FAM184A: variants seen among roughly 807,000 people sequenced by gnomAD.
The protein encoded by FAM184A is protein FAM184A.
Under a neutral mutation model 143.8 loss-of-function variants are expected in FAM184A, and 99 were observed. That is an observed-to-expected ratio of 0.69 (90% CI 0.58 to 0.81). The LOEUF is 0.81. Among genes scored for constraint, FAM184A ranks in the 40% least tolerant of loss-of-function variants. FAM184A has a pLI of 0.00. For missense variants in FAM184A, 1,217 were observed against 1,310.5 expected (o/e 0.93, Z 1.10); for synonymous variants, 427 against 446.4 (o/e 0.96, Z 0.55).
At chr6:118,979,604 T>G in intron 10 of FAM184A, 86 bp from the exon 11 acceptor site, 1 of 1,017,448 alleles carries the variant, frequency 9.8e-7, no homozygotes, top group Non-Finnish European at 1.4e-6. Context: ...AAAACTCAGT[T>G]ATTATTTAAG....
intron 1 of FAM184A, among the ~76,000 whole-genome samples, chr6:119,063,734 G>A (rs557982707): frequency 6.6e-6 from 1 of 151,948 alleles, no homozygotes; most frequent in African/African-American, 2.4e-5. Flanking sequence ...TTATTAATTA[G>A]ACTCAGTATT....
rs1377501886 is a variant in FAM184A, at chr6:118,975,925, T to C, written c.2575A>G (p.Arg859Gly). Residue 859 changes from arginine to glycine, a missense_variant, in exon 12 of 18, where the codon AGA (arginine) becomes GGA (glycine). Physicochemically the swap from Arg to Gly is moderately radical, Grantham distance 125. Transcript: ENST00000338891. ...MELERSIDISRRQSKEHICRI... is the reference protein window; with the variant it reads ...MELERSIDISGRQSKEHICRI... Reference sequence around the variant, plus strand: ...AGAATACTCTTACTTACCTGTCTTCTGCTGATGTCTATGCTTCTCTCTAAT... The same window carrying C: ...AGAATACTCTTACTTACCTGTCTTCCGCTGATGTCTATGCTTCTCTCTAAT... The C allele has an allele frequency of 1.9e-6, 3 of 1,612,688 alleles. No individual in the cohort carries two copies. In the East Asian group the frequency reaches 6.7e-5, roughly 36 times the overall value.
chr6:119,078,895 C>G (rs1320445), upstream of FAM184A: 4,477 of 153,052 alleles, frequency 0.029, 232 homozygotes, highest in African/African-American at 0.1. This position sits in a 1 kb window ranked among gnomAD's most constrained non-coding sequence, Gnocchi z 5.5. Context: ...AGTGCTTCCC[C>G]CGTGTGGCGG....
In FAM184A at chr6:118,991,120, T is replaced by C. The variant is rs1461310893; in HGVS notation, c.2089-10770A>G. 7.6e-4 allele frequency among the ~76,000 whole-genome samples: 116 copies of C among 151,882 alleles called. 2 individuals carry two copies. Among genetic ancestry groups the C allele is most frequent in the Admixed American group, 7.6e-3 (116 of 15,232 alleles). On this transcript the variant is annotated intron_variant, in intron 9 of 17. Transcript: ENST00000338891. ...TGTGATAGGGAATGACTGGAGGAGA[T>C]ATTGAGTTGATGGTAAGAAAAGATA...
chr6:119,100,882 G>A (rs189327548), intron 1 of FAM184A, among the ~76,000 whole-genome samples: 10 of 151,776 alleles, frequency 6.6e-5, no homozygotes, highest in African/African-American at 1.5e-4. Flanking sequence ...TCGCTTAAAC[G>A]CGGAAGGGGG....
chr6:119,031,596 A>G (rs868285350), intron 1 of FAM184A: 2 of 152,236 alleles, frequency 1.3e-5, no homozygotes, highest in Non-Finnish European at 2.9e-5. Flanking sequence ...TCTTGGCAAT[A>G]TGTAAATACG....
At chr6:119,057,378 C>A (rs1278983204) in intron 1 of FAM184A, among the ~76,000 whole-genome samples, 1 of 152,124 alleles carries the variant, frequency 6.6e-6, no homozygotes, top group Non-Finnish European at 1.5e-5. Flanking sequence ...CTAAGAATTC[C>A]TTTGTTTGAC....
chr6:119,146,189 AAAAT>A (rs1408815966), intron 1 of FAM184A, among the ~76,000 whole-genome samples: 1 of 152,124 alleles, frequency 6.6e-6, no homozygotes, highest in African/African-American at 2.4e-5. Context: ...AATATAATTA[AAAAT>A]AAATAAATAA....
chr6:119,130,711 A>G (rs1015644159), intron 1 of FAM184A, among the ~76,000 whole-genome samples: 2 of 152,208 alleles, frequency 1.3e-5, no homozygotes, highest in Non-Finnish European at 2.9e-5. Flanking sequence ...CAGAAATCAT[A>G]TGATAAGACC....
intron 1 of FAM184A, among the ~76,000 whole-genome samples, chr6:119,065,125 T>C (rs1394158512): frequency 6.6e-6 from 1 of 152,208 alleles, no homozygotes; most frequent in Admixed American, 6.5e-5. Flanking sequence ...TCCTACACTG[T>C]ACCATGGTTG....
intron 1 of FAM184A, among the ~76,000 whole-genome samples, chr6:119,119,647 C>T (rs1373672021): frequency 6.6e-6 from 1 of 151,982 alleles, no homozygotes; most frequent in African/African-American, 2.4e-5. Flanking sequence ...TCCAACATGT[C>T]ATCAGTTTTT....
intron 9 of FAM184A, among the ~76,000 whole-genome samples, chr6:118,994,630 GA>G (rs1287483657): frequency 3.3e-5 from 5 of 151,648 alleles, no homozygotes; most frequent in Admixed American, 3.3e-4. Flanking sequence ...AGGTTGCAGT[GA>G]ACCGAGATTG....
chr6:119,077,432 AC>A (rs1480383261), intron 1 of FAM184A, among the ~76,000 whole-genome samples: 1 of 152,260 alleles, frequency 6.6e-6, no homozygotes, highest in Admixed American at 6.5e-5. Flanking sequence ...CTTCACAGAT[AC>A]CAATTCCTTC....
intron 15 of FAM184A, among the ~76,000 whole-genome samples, chr6:118,965,786 C>A (rs1562453501): frequency 6.6e-6 from 1 of 152,086 alleles, no homozygotes; most frequent in African/African-American, 2.4e-5. Flanking sequence ...GCTGTGAGGA[C>A]AAAATACAAT....
At chr6:119,028,662 C>T (rs113116369) in intron 1 of FAM184A, among the ~76,000 whole-genome samples, 1,727 of 152,244 alleles carry the variant, frequency 0.011, 34 homozygotes, top group African/African-American at 0.039. Context: ...CATCTCTTCC[C>T]TCTAACTAAC....
At chr6:119,071,000 C>T (rs1186525549) in intron 1 of FAM184A, among the ~76,000 whole-genome samples, 2 of 152,020 alleles carry the variant, frequency 1.3e-5, no homozygotes, top group Non-Finnish European at 2.9e-5. Flanking sequence ...CTATTTTCTT[C>T]CACAAACTAA....
At chr6:119,047,039 T>C (rs531227046) in intron 1 of FAM184A, among the ~76,000 whole-genome samples, 1 of 116,806 alleles carries the variant, frequency 8.6e-6, no homozygotes, top group Admixed American at 1.0e-4. Context: ...AGGAAAAAAA[T>C]CTAATAATCT....
intron 14 of FAM184A, among the ~76,000 whole-genome samples, chr6:118,970,026 TGGA>T (rs1783647069): frequency 3.7e-4 from 16 of 43,104 alleles, no homozygotes; most frequent in Non-Finnish European, 5.8e-4. Flanking sequence ...TTTTTTGAGA[TGGA>T]GTTTTGTTCT....
At chr6:119,089,019 C>G (rs959604593) in intron 1 of FAM184A, among the ~76,000 whole-genome samples, 1 of 151,502 alleles carries the variant, frequency 6.6e-6, no homozygotes, top group Non-Finnish European at 1.5e-5. Context: ...TTTCTTATAT[C>G]TCTCTCATGT....
Sources: allele counts gnomAD v4.1 joint callset (sites outside exome capture counted in the v4.1 genomes callset), GRCh38; gene constraint gnomAD v4.1.1; non-coding constraint Gnocchi (gnomAD v3.1); transcripts MANE v1.5; gene names NCBI Gene and HGNC (gene_info 2026-07-23, HGNC 2026-07-21).